The following CCNB1 variants were observed in gnomAD, a reference collection of about 807,000 sequenced individuals.
The protein encoded by CCNB1 is G2/mitotic-specific cyclin-B1.
In CCNB1, 26 loss-of-function variants were observed where a neutral mutation model predicts 44.4. The observed-to-expected ratio is 0.59, with a 90% CI of 0.43 to 0.81. The LOEUF is 0.81. Ranked by LOEUF, CCNB1 falls within the 40% of genes least tolerant of loss-of-function variation. The pLI is 0.00. For missense variants in CCNB1, 477 were observed against 520.9 expected, an observed-to-expected ratio of 0.92 and a Z score of 0.82; for synonymous variants, 195 against 181.4, an observed-to-expected ratio of 1.08 and a Z score of -0.60.
chr5:69,169,701 G>A (rs1278246727), intron 3 of CCNB1, among the ~76,000 whole-genome samples: 2 of 151,916 alleles, frequency 1.3e-5, no homozygotes, highest in Non-Finnish European at 2.9e-5. Flanking sequence ...TGCCCAGACT[G>A]GAGTGCAGTG....
chr5:69,177,098 CTT>C, intron 7 of CCNB1, 139 bp from the exon 8 acceptor site: 2 of 520,576 alleles, frequency 3.8e-6, no homozygotes, highest in South Asian at 3.1e-5. Context: ...GGAAAGGAGT[CTT>C]TAGCTTTGTC....
At chr5:69,169,986 C>CA (rs1055905236) in intron 3 of CCNB1, among the ~76,000 whole-genome samples, 3 of 148,714 alleles carry the variant, frequency 2.0e-5, no homozygotes, top group Non-Finnish European at 4.5e-5. Flanking sequence ...TTTCCCAAGA[C>CA]AGAGTCTTGC....
chr5:69,169,969 T>C (rs1428056780), intron 3 of CCNB1, among the ~76,000 whole-genome samples: 4 of 144,578 alleles, frequency 2.8e-5, no homozygotes, highest in African/African-American at 1.0e-4. Flanking sequence ...TTTTTGTTTA[T>C]TTTTTTTTTC....
At chr5:69,172,612 C>T (rs551003030) in intron 4 of CCNB1, among the ~76,000 whole-genome samples, 1 of 152,194 alleles carries the variant, frequency 6.6e-6, no homozygotes, top group African/African-American at 2.4e-5. Flanking sequence ...CATCTCTTGC[C>T]TGCTCCTTTT....
rs145759905 is a variant in CCNB1, at chr5:69,168,072, G to A, written c.186G>A (p.Met62Ile). 6.2e-7 allele frequency: 1 copy of A among 1,613,524 alleles called. No individual in the cohort carries two copies. The highest frequency in any genetic ancestry group is 8.5e-7 in the Non-Finnish European group (1 of 1,179,840). The stretch of plus-strand genomic sequence containing the variant: ...AACAACTGCAGGCCAAAATGCCTAT[G>A]AAGAAGGTAACTCTCTTCCTGACCT... ...VSEQLQAKMPMKKEAKPSATG... is the reference protein window; with the variant it reads ...VSEQLQAKMPIKKEAKPSATG... The change falls in exon 2 of 9, where the codon ATG becomes ATA. Residue 62 changes from methionine (M) to isoleucine (I), a missense_variant. Physicochemically the swap from Met to Ile is conservative, Grantham distance 10 (BLOSUM62 1). Coordinates refer to ENST00000256442, the MANE Select transcript of CCNB1 (RefSeq NM_031966.4).
intron 5 of CCNB1, 79 bp downstream of exon 5, chr5:69,174,488 G>T (rs1393498444): frequency 7.3e-7 from 1 of 1,376,110 alleles, no homozygotes; most frequent in African/African-American, 1.4e-5. Context: ...GCCAGTCTGG[G>T]CGCAGTGGCT....
Position 69,171,277 on chromosome 5 carries a change from C to T in CCNB1, c.371C>T (p.Thr124Ile), listed in dbSNP as rs767338588. Reference sequence around the variant, plus strand: ...ATATCTCTTTGTTTCAAGGTTGATACTGCCTCTCCAAGCCCAATGGAAACA... The same window carrying T: ...ATATCTCTTTGTTTCAAGGTTGATATTGCCTCTCCAAGCCCAATGGAAACA... ...KLSPEPILVDTASPSPMETSG... is the reference protein window; with the variant it reads ...KLSPEPILVDIASPSPMETSG... Residue 124 changes from threonine (T) to isoleucine (I), a missense_variant, in exon 4 of 9, where the codon ACT becomes ATT. Thr to Ile is a moderately conservative substitution (Grantham distance 89). Transcript: ENST00000256442. 8 of 1,606,626 alleles carry T rather than the reference C, an allele frequency of 5.0e-6. No homozygotes were observed. The South Asian group carries it at 9.0e-5, about 18-fold the overall frequency.
At chr5:69,177,154 C>T (rs1747613631) in intron 7 of CCNB1, 85 bp from the exon 8 acceptor site, 9 of 727,710 alleles carry the variant, frequency 1.2e-5, no homozygotes, top group Non-Finnish European at 2.1e-5. Context: ...ATCTCTTTTC[C>T]ACTCCTGAAT....
rs1415311621 is a variant in CCNB1, at chr5:69,178,144, T to C, written c.*513T>C. On this transcript the variant is annotated 3_prime_UTR_variant, in exon 9 of 9. Transcript: ENST00000256442. ...TATTTAAGTTATCAACTTTAGCTAG[T>C]ATCTTCAAACTTTCACTTTGAAAAA... 1 of 152,252 alleles carries C rather than the reference T, an allele frequency of 6.6e-6. No individual in the cohort carries two copies. Among genetic ancestry groups the C allele is most frequent in the Non-Finnish European group, 1.5e-5 (1 of 68,052 alleles). The allele number at this position is 152,252 out of a possible 1,614,324, so 9.4% of individuals were successfully genotyped here. A position where few individuals can be genotyped will look rare whatever the true frequency, so the allele number is the denominator to read the frequency against.
In CCNB1 at chr5:69,174,365, G is replaced by A; in HGVS notation, c.661G>A (p.Glu221Lys). 2 of 1,614,046 alleles carry A rather than the reference G, an allele frequency of 1.2e-6. No homozygotes were observed. The highest frequency in any genetic ancestry group is 1.7e-6 in the Non-Finnish European group (2 of 1,179,908). Residue 221 changes from glutamate (E) to lysine (K), a missense_variant, in exon 5 of 9, where the codon GAG becomes AAG. Glu to Lys is a moderately conservative substitution (Grantham distance 56, BLOSUM62 1). Transcript: ENST00000256442. Reference sequence around the variant, plus strand: ...TCAAATGAAATTCAGGTTGTTGCAGGAGACCATGTACATGACTGTCTCCAT... The same window carrying A: ...TCAAATGAAATTCAGGTTGTTGCAGAAGACCATGTACATGACTGTCTCCAT... ...QVQMKFRLLQ[E>K]TMYMTVSIID...
intron 3 of CCNB1, among the ~76,000 whole-genome samples, chr5:69,169,988 G>A (rs898554856): frequency 2.3e-4 from 34 of 150,254 alleles, no homozygotes; most frequent in Admixed American, 2.0e-3. Flanking sequence ...TCCCAAGACA[G>A]AGTCTTGCTC....
Position 69,171,252 on chromosome 5 carries a change from A to G in CCNB1, c.364-18A>G, listed in dbSNP as rs1229947435. On this transcript the variant is annotated intron_variant, in intron 3 of 8. Transcript: ENST00000256442. Reference sequence around the variant, plus strand: ...GCTTACTTCTATTTGCTATTTCAAGATATCTCTTTGTTTCAAGGTTGATAC... The same window carrying G: ...GCTTACTTCTATTTGCTATTTCAAGGTATCTCTTTGTTTCAAGGTTGATAC... The G allele has an allele frequency of 1.9e-6, 3 of 1,590,404 alleles. No individual in the cohort carries two copies. The highest frequency in any genetic ancestry group is 2.2e-5 in the East Asian group (1 of 44,688).
At position 69,167,932 on chromosome 5, in the gene CCNB1, A is replaced by AAGGCGAAGATCAACATGGC; in HGVS notation, c.52_70dup (p.Ala24GlufsTer33). The AAGGCGAAGATCAACATGGC allele has an allele frequency of 6.2e-7, 1 of 1,610,198 alleles. No homozygotes were observed. On this transcript the variant is annotated frameshift_variant, in exon 2 of 9. Coordinates refer to ENST00000256442, the MANE Select transcript of CCNB1 (RefSeq NM_031966.4). LOFTEE classifies it high-confidence loss of function. ...GAACTCGAAAATTAATGCTGAAAAT[A>AAGGCGAAGATCAACATGGC]AGGCGAAGATCAACATGGCAGGCGC...
intron 4 of CCNB1, among the ~76,000 whole-genome samples, chr5:69,173,541 C>T (rs548535116): frequency 1.6e-4 from 24 of 152,248 alleles, no homozygotes; most frequent in Middle Eastern, 3.4e-3. Context: ...CAGGAGCAGG[C>T]AGGAGTGTTG....
intron 5 of CCNB1, 28 bp downstream of exon 5, chr5:69,174,437 TC>T (rs1429339123): frequency 1.9e-6 from 3 of 1,608,454 alleles, no homozygotes; most frequent in Non-Finnish European, 2.6e-6. Flanking sequence ...AGTTTTCCCT[TC>T]CAGGATTCTA....
At chr5:69,168,380 A>G in intron 3 of CCNB1, 37 bp downstream of exon 3, 1 of 1,611,506 alleles carries the variant, frequency 6.2e-7, no homozygotes, top group Non-Finnish European at 8.5e-7. Flanking sequence ...TCTGTTGATT[A>G]TTTCTTGTCC....
chr5:69,167,378 C>T (rs778982745), intron 1 of CCNB1, 95 bp downstream of exon 1: 14 of 1,437,022 alleles, frequency 9.7e-6, no homozygotes, highest in East Asian at 4.6e-5. Flanking sequence ...GGGAGAGGGC[C>T]GCAGGAGCGA....
rs759785076 is a variant in CCNB1, at chr5:69,168,322, A to C, written c.342A>C (p.Lys114Asn). The C allele has an allele frequency of 1.2e-6, 2 of 1,614,006 alleles. No individual in the cohort carries two copies. Among genetic ancestry groups the C allele is most frequent in the Admixed American group, 1.7e-5 (1 of 60,000 alleles). ...EPEPEPVKEE[K>N]LSPEPILVDT... ...AACCTGAGCCTGTTAAAGAAGAAAA[A>C]CTTTCGCCTGAGCCTATTTTGGTAA... Residue 114 changes from lysine (K) to asparagine (N), a missense_variant, in exon 3 of 9, where the codon AAA (lysine) becomes AAC (asparagine). Physicochemically the swap from Lys to Asn is moderately conservative, Grantham distance 94. Coordinates refer to ENST00000256442, the MANE Select transcript of CCNB1 (RefSeq NM_031966.4).
chr5:69,173,762 C>G (rs995714703), intron 4 of CCNB1, among the ~76,000 whole-genome samples: 2 of 151,314 alleles, frequency 1.3e-5, no homozygotes, highest in South Asian at 2.1e-4. Flanking sequence ...TAATGTTTGC[C>G]TTTTTTTTCT....
Sources: gnomAD v4.1 joint callset for allele counts (sites outside exome capture counted in the v4.1 genomes callset) on GRCh38, gnomAD v4.1.1 for gene constraint, MANE v1.5 for transcripts, NCBI Gene and HGNC (gene_info 2026-07-23, HGNC 2026-07-21) for gene names.